The following ILF2 variants were observed in gnomAD, a reference collection of about 807,000 sequenced individuals.
ILF2 encodes the protein interleukin enhancer-binding factor 2.
ILF2 carries 9 observed loss-of-function variants against 55.3 expected under a neutral mutation model. The observed-to-expected ratio is 0.16, with a 90% confidence interval of 0.10 to 0.28. ILF2 has a LOEUF of 0.28. Ranked by LOEUF, ILF2 falls within the 10% of genes least tolerant of loss-of-function variation. The pLI is 1.00. For synonymous variants in ILF2, 151 were observed against 161.8 expected, an observed-to-expected ratio of 0.93 and a Z score of 0.50; for missense variants, 266 against 474.9, an observed-to-expected ratio of 0.56 and a Z score of 4.09.
rs777941080 is a variant in ILF2, at chr1:153,668,523, G to A, written c.143C>T (p.Pro48Leu). The change falls in exon 4 of 14, where the codon CCT becomes CTT. Residue 48 changes from proline (P) to leucine (L), a missense_variant. Physicochemically the swap from Pro to Leu is moderately conservative, Grantham distance 98. Coordinates refer to ENST00000361891, the MANE Select transcript of ILF2 (RefSeq NM_004515.4). ...EMAFPRVKPA[P>L]DETSFSEALL... ...GGCCTCACTGAAGGAAGTTTCATCA[G>A]GTGCTGGCTTGACCCGGGGAAAGGC... is the stretch of plus-strand genomic sequence containing the variant. The A allele has an allele frequency of 6.2e-7, 1 of 1,614,066 alleles. No individual in the cohort carries two copies. Among genetic ancestry groups the A allele is most frequent in the South Asian group, 1.1e-5 (1 of 91,054 alleles).
chr1:153,669,157 CT>C (rs1023960564), intron 3 of ILF2, among the ~76,000 whole-genome samples: 5 of 151,858 alleles, frequency 3.3e-5, no homozygotes, highest in African/African-American at 1.2e-4. Context: ...CCTGATTCCT[CT>C]GCCTCCCAGG....
chr1:153,668,923 A>G (rs982607052), intron 3 of ILF2, among the ~76,000 whole-genome samples: 1 of 151,890 alleles, frequency 6.6e-6, no homozygotes, highest in African/African-American at 2.4e-5. Flanking sequence ...TTCAAAGGCC[A>G]GGCACAGTGG....
At chr1:153,667,927 A>G (rs1669353517) in intron 5 of ILF2, 73 bp downstream of exon 5, 1 of 1,085,236 alleles carries the variant, frequency 9.2e-7, no homozygotes, top group Non-Finnish European at 1.4e-6. Context: ...CTGAAAATTA[A>G]AAGTCAAGAG....
chr1:153,666,505 C>T (rs1183040971), intron 6 of ILF2, among the ~76,000 whole-genome samples: 1 of 152,012 alleles, frequency 6.6e-6, no homozygotes, highest in African/African-American at 2.4e-5. Context: ...AAAGCATGCA[C>T]CACCATGCCC....
At chr1:153,666,874 C>T (rs1259538851) in intron 6 of ILF2, among the ~76,000 whole-genome samples, 1 of 152,204 alleles carries the variant, frequency 6.6e-6, no homozygotes, top group Non-Finnish European at 1.5e-5. Context: ...GTAATCCCAA[C>T]ACTTTGGGAG....
At position 153,663,087 on chromosome 1, in the gene ILF2, C is replaced by G; in HGVS notation, c.853G>C (p.Val285Leu). The change falls in exon 12 of 14, where the codon GTG (valine) becomes CTG (leucine). Residue 285 changes from valine to leucine, a missense_variant. Physicochemically the swap from Val to Leu is conservative, Grantham distance 32 (BLOSUM62 1). Coordinates refer to ENST00000361891, the MANE Select transcript of ILF2 (RefSeq NM_004515.4). ...LAAGLFLPGSVGITDPCESGN... is the reference protein window; with the variant it reads ...LAAGLFLPGSLGITDPCESGN... ...CTCTCACAGGGGTCAGTGATACCCA[C>G]TGAACCTGGCAGGAACAGTCCTGCA... 1 of 1,614,182 alleles carries G rather than the reference C, an allele frequency of 6.2e-7. No individual in the cohort carries two copies. Among genetic ancestry groups the G allele is most frequent in the Non-Finnish European group, 8.5e-7 (1 of 1,180,038 alleles).
In ILF2 at chr1:153,667,982, A is replaced by G. The variant is rs1669354437; in HGVS notation, c.291+18T>C. 2 of 1,580,706 alleles carry G rather than the reference A, an allele frequency of 1.3e-6. No homozygotes were observed. The highest frequency in any genetic ancestry group is 1.7e-6 in the Non-Finnish European group (2 of 1,157,460). ...ACCAAAGCTGCCCTTTCCTAAAACTAAATCATCAAAAACTCACCACTTCAA... is the reference window on the plus strand; with the variant it reads ...ACCAAAGCTGCCCTTTCCTAAAACTGAATCATCAAAAACTCACCACTTCAA... On this transcript the variant is annotated intron_variant, in intron 5 of 13. Transcript: ENST00000361891.
In ILF2 at chr1:153,665,398, T is replaced by C; in HGVS notation, c.461-62A>G. On this transcript the variant is annotated intron_variant, in intron 7 of 13. Coordinates refer to ENST00000361891, the MANE Select transcript of ILF2 (RefSeq NM_004515.4). ...TTTCCATTAGATGATCAAAGTTAAA[T>C]CCAGGGTGGGGGGGAACAGGTGGAT... is the stretch of plus-strand genomic sequence containing the variant. 8 of 1,124,042 alleles carry C rather than the reference T, an allele frequency of 7.1e-6. No homozygotes were observed. In the South Asian group the frequency reaches 1.0e-4, roughly 14 times the overall value. The allele number at this position is 1,124,042 out of a possible 1,614,324, so 69.6% of individuals were successfully genotyped here. A position where few individuals can be genotyped will look rare whatever the true frequency, so the allele number is the denominator to read the frequency against.
intron 9 of ILF2, 52 bp from the exon 10 acceptor site, chr1:153,664,182 A>G (rs1669249222): frequency 1.7e-6 from 2 of 1,195,290 alleles, no homozygotes; most frequent in Non-Finnish European, 2.5e-6. Context: ...ATGTATTTCC[A>G]TGCCTAAGGT....
chr1:153,663,003 A>G lies in ILF2; in HGVS notation c.921+16T>C, dbSNP rs376088897. 1.9e-6 allele frequency: 3 copies of G among 1,594,946 alleles called. No homozygotes were observed. The highest frequency in any genetic ancestry group is 1.3e-5 in the African/African-American group (1 of 74,596). On this transcript the variant is annotated intron_variant, in intron 12 of 13. Coordinates refer to ENST00000361891, the MANE Select transcript of ILF2 (RefSeq NM_004515.4). ...AGAGTGGGGCAAAACAACTCAGTTC[A>G]TATCTGTCCCAATACCTGCTGTTCT...
At position 153,667,449 on chromosome 1, in the gene ILF2, A is replaced by G. The variant is rs187617507; in HGVS notation, c.394+106T>C. The G allele has an allele frequency of 1.8e-4, 145 of 812,920 alleles. 2 individuals carry two copies. Among genetic ancestry groups the G allele is most frequent in the South Asian group, 1.5e-3 (107 of 71,546 alleles). 50.4% of individuals were successfully genotyped at this position (812,920 alleles called of 1,614,324 possible). A position where few individuals can be genotyped will look rare whatever the true frequency, so the allele number is the denominator to read the frequency against. On this transcript the variant is annotated intron_variant, in intron 6 of 13. Transcript: ENST00000361891. ...AGCTACAATGGTACCACTGCACTCC[A>G]GCCTGGCCAACGGAGGGAGAATTTG...
chr1:153,662,427 T>C lies in ILF2; in HGVS notation c.1142A>G (p.Glu381Gly), dbSNP rs958563328. 5 of 1,613,924 alleles carry C rather than the reference T, an allele frequency of 3.1e-6. No individual in the cohort carries two copies. Among genetic ancestry groups the C allele is most frequent in the Non-Finnish European group, 4.2e-6 (5 of 1,179,810 alleles). The change falls in exon 14 of 14, where the codon GAG (glutamate) becomes GGG (glycine). Residue 381 changes from glutamate (E) to glycine (G), a missense_variant. By Grantham distance (98) the Glu-to-Gly change is moderately conservative. Transcript: ENST00000361891. ...EENTEEPPQGEEEESMETQE is the reference protein window; with the variant it reads ...EENTEEPPQGGEEESMETQE Reference sequence around the variant, plus strand: ...CTGAGTTTCCATGCTTTCTTCTTCCTCTCCTTGAGGTGGTTCTTCTGTATT... The same window carrying C: ...CTGAGTTTCCATGCTTTCTTCTTCCCCTCCTTGAGGTGGTTCTTCTGTATT...
At chr1:153,668,934 G>T (rs563152547) in intron 3 of ILF2, among the ~76,000 whole-genome samples, 34 of 152,172 alleles carry the variant, frequency 2.2e-4, no homozygotes, top group African/African-American at 8.2e-4. Context: ...GGCACAGTGG[G>T]TCACGCACAC....
chr1:153,663,973 A>G (rs986286009), intron 10 of ILF2, 70 bp downstream of exon 10: 1 of 745,260 alleles, frequency 1.3e-6, no homozygotes, highest in South Asian at 1.8e-5. Context: ...TACTACTACT[A>G]CTACTACTAC....
chr1:153,669,765 T>C, intron 3 of ILF2, 71 bp downstream of exon 3: 1 of 1,276,458 alleles, frequency 7.8e-7, no homozygotes, highest in Non-Finnish European at 1.1e-6. Flanking sequence ...TCTAACTTCA[T>C]TAACTGGGAG....
chr1:153,670,692 G>A (rs1372322611), intron 1 of ILF2, among the ~76,000 whole-genome samples: 2 of 151,850 alleles, frequency 1.3e-5, no homozygotes, highest in African/African-American at 2.4e-5. Flanking sequence ...AGAGACAAAG[G>A]TGTCGAACCC....
rs747867579 is a variant in ILF2 at position 153,662,750 on chromosome 1, G to T, written c.967C>A (p.His323Asn). Residue 323 changes from histidine (H) to asparagine (N), a missense_variant, in exon 13 of 14, where the codon CAT (histidine) becomes AAT (asparagine). Physicochemically the swap from His to Asn is moderately conservative, Grantham distance 68. Coordinates refer to ENST00000361891, the MANE Select transcript of ILF2 (RefSeq NM_004515.4). Reference sequence around the variant, plus strand: ...CCAAGGATCTTCCTAAAGCCACCATGTGAGAGGATTCGGACGAGAGTCTGA... The same window carrying T: ...CCAAGGATCTTCCTAAAGCCACCATTTGAGAGGATTCGGACGAGAGTCTGA... The part of the protein sequence containing the change: ...TAQTLVRILS[H>N]GGFRKILGQE... 6.2e-7 allele frequency: 1 copy of T among 1,614,208 alleles called. No individual in the cohort carries two copies. Among genetic ancestry groups the T allele is most frequent in the Non-Finnish European group, 8.5e-7 (1 of 1,180,032 alleles).
chr1:153,667,087 A>G (rs1266222880), intron 6 of ILF2, among the ~76,000 whole-genome samples: 1 of 152,164 alleles, frequency 6.6e-6, no homozygotes, highest in Admixed American at 6.5e-5. Context: ...ACGCCATTAC[A>G]CTCCAGCCAG....
chr1:153,665,679 T>G lies in ILF2; in HGVS notation c.444A>C (p.Ala148=), dbSNP rs764391896. ...AATGCAAACCTTCAGAAGGATCCTGTGCTCTTAGGCTTTCCACGACTTTGT... is the reference window on the plus strand; with the variant it reads ...AATGCAAACCTTCAGAAGGATCCTGGGCTCTTAGGCTTTCCACGACTTTGT... The part of the protein sequence containing the change: ...LGNKVVESLR[A]QDPSEVLTML... Residue 148 remains alanine, a synonymous_variant, in exon 7 of 14, where the codon GCA becomes GCC. Transcript: ENST00000361891. 9 of 1,613,890 alleles carry G rather than the reference T, an allele frequency of 5.6e-6. No individual in the cohort carries two copies. Among genetic ancestry groups the G allele is most frequent in the Non-Finnish European group, 6.8e-6 (8 of 1,179,758 alleles).
Sources: gnomAD v4.1 joint callset for allele counts (sites outside exome capture counted in the v4.1 genomes callset) on GRCh38, gnomAD v4.1.1 for gene constraint, MANE v1.5 for transcripts, NCBI Gene and HGNC (gene_info 2026-07-23, HGNC 2026-07-21) for gene names.